PTPRD: variants seen among roughly 807,000 people sequenced by gnomAD.
The protein encoded by PTPRD is receptor-type tyrosine-protein phosphatase delta.
In PTPRD, 34 loss-of-function variants were observed where a neutral mutation model predicts 214.5. The observed-to-expected ratio is 0.16, with a 90% CI of 0.12 to 0.21. PTPRD has a LOEUF of 0.21. Ranked by LOEUF, PTPRD falls within the 10% of genes least tolerant of loss-of-function variation. PTPRD has a pLI of 1.00. For synonymous variants in PTPRD, 1,128 were observed against 845.7 expected, an observed-to-expected ratio of 1.33 and a Z score of -5.79; for missense variants, 2,545 against 2,398.7, an observed-to-expected ratio of 1.06 and a Z score of -1.27.
At chr9:9,373,811 C>T (rs923087977) in intron 9 of PTPRD, among the ~76,000 whole-genome samples, 1 of 152,106 alleles carries the variant, frequency 6.6e-6, no homozygotes, top group South Asian at 2.1e-4. Context: ...ACTTGGAAAT[C>T]TCTGGGGACT....
chr9:8,834,284 G>C (rs929191194), intron 11 of PTPRD, among the ~76,000 whole-genome samples: 6 of 151,820 alleles, frequency 4.0e-5, no homozygotes, highest in Admixed American at 3.9e-4. Flanking sequence ...TTAAAACCTA[G>C]GTATTAAAAA....
At chr9:9,903,701 T>C (rs528754895) in intron 5 of PTPRD, among the ~76,000 whole-genome samples, 161 of 152,232 alleles carry the variant, frequency 1.1e-3, no homozygotes, top group African/African-American at 3.8e-3. Flanking sequence ...CCATTCCCTC[T>C]TTCTTCTTTC....
intron 36 of PTPRD, among the ~76,000 whole-genome samples, chr9:8,400,505 C>G (rs1396759391): frequency 5.9e-5 from 9 of 152,140 alleles, no homozygotes; most frequent in African/African-American, 2.2e-4. Flanking sequence ...AAATGAAGTT[C>G]TAAAACCTAA....
chr9:10,479,067 A>C (rs2099080767), intron 2 of PTPRD, among the ~76,000 whole-genome samples: 1 of 152,202 alleles, frequency 6.6e-6, no homozygotes, highest in Admixed American at 6.6e-5. Context: ...TAATTAAGTC[A>C]GAAGCAAAGT....
intron 10 of PTPRD, among the ~76,000 whole-genome samples, chr9:9,163,361 C>T (rs1746739606): frequency 6.6e-6 from 1 of 152,080 alleles, no homozygotes; most frequent in African/African-American, 2.4e-5. Flanking sequence ...CACTTCCACA[C>T]TTAATTGTCC....
intron 11 of PTPRD, among the ~76,000 whole-genome samples, chr9:8,766,206 A>G (rs976829556): frequency 6.6e-6 from 1 of 151,314 alleles, no homozygotes; most frequent in Admixed American, 6.6e-5. Flanking sequence ...AAAAAAAATC[A>G]ATCCCCAGCC....
chr9:8,736,760 T>C, intron 11 of PTPRD, among the ~76,000 whole-genome samples: 1 of 152,072 alleles, frequency 6.6e-6, no homozygotes. Context: ...AGTGGAAAAC[T>C]TCTTGAATCC....
intron 12 of PTPRD, among the ~76,000 whole-genome samples, chr9:8,707,261 G>A (rs2098229598): frequency 6.6e-6 from 1 of 152,116 alleles, no homozygotes; most frequent in Non-Finnish European, 1.5e-5. Context: ...TAATTCTTTG[G>A]TGACAGAAGG....
At position 9,818,542 on chromosome 9, in the gene PTPRD, T is replaced by C. The variant is rs117807972; in HGVS notation, c.-367-51691A>G. Among the ~76,000 whole-genome samples the C allele has an allele frequency of 7.0e-4, 107 of 152,214 alleles. 2 individuals carry two copies. In the East Asian group the frequency reaches 0.02, roughly 28 times the overall value. Reference sequence around the variant, plus strand: ...GTAGGTAGGGAAGGACAGAGAGAGATAGAAAGAGGCAGACGATTTAGGAAA... The same window carrying C: ...GTAGGTAGGGAAGGACAGAGAGAGACAGAAAGAGGCAGACGATTTAGGAAA... On this transcript the variant is annotated intron_variant, in intron 5 of 45. Transcript: ENST00000381196.
intron 2 of PTPRD, among the ~76,000 whole-genome samples, chr9:10,361,520 C>G (rs2097391994): frequency 6.6e-6 from 1 of 152,080 alleles, no homozygotes; most frequent in South Asian, 2.1e-4. Flanking sequence ...AAAGGCCAAT[C>G]CCTGACCACA....
chr9:9,129,612 C>G (rs1270332936), intron 10 of PTPRD, among the ~76,000 whole-genome samples: 1 of 152,076 alleles, frequency 6.6e-6, no homozygotes, highest in Non-Finnish European at 1.5e-5. Context: ...ATATGCTACC[C>G]CTTAAGTGGT....
intron 4 of PTPRD, among the ~76,000 whole-genome samples, chr9:10,032,885 G>C (rs1039187230): frequency 6.6e-6 from 1 of 151,722 alleles, no homozygotes; most frequent in African/African-American, 2.4e-5. Context: ...CAGTAAATTT[G>C]CATGATTTTA....
intron 35 of PTPRD, among the ~76,000 whole-genome samples, chr9:8,426,980 G>C (rs956539875): frequency 6.6e-6 from 1 of 152,108 alleles, no homozygotes; most frequent in Non-Finnish European, 1.5e-5. Context: ...TTTCTTCTAA[G>C]GTGAGCTGCT....
At chr9:9,437,901 G>C (rs2085965209) in intron 8 of PTPRD, among the ~76,000 whole-genome samples, 1 of 152,124 alleles carries the variant, frequency 6.6e-6, no homozygotes, top group Non-Finnish European at 1.5e-5. Context: ...TTAGTGGGAG[G>C]CTAACTCAAC....
At chr9:8,992,487 G>C (rs2099377776) in intron 11 of PTPRD, among the ~76,000 whole-genome samples, 2 of 152,170 alleles carry the variant, frequency 1.3e-5, no homozygotes, top group African/African-American at 4.8e-5. Context: ...ACTCTAGAGA[G>C]AATGTCACTG....
intron 3 of PTPRD, among the ~76,000 whole-genome samples, chr9:10,082,840 A>AAACACACAC (rs1555566892): frequency 1.5e-3 from 189 of 128,300 alleles, no homozygotes; most frequent in South Asian, 5.9e-3. Context: ...CACACACACA[A>AAACACACAC]ACACACACAC....
chr9:8,602,558 A>G (rs1000049626), intron 14 of PTPRD, among the ~76,000 whole-genome samples: 1 of 152,222 alleles, frequency 6.6e-6, no homozygotes, highest in Non-Finnish European at 1.5e-5. Flanking sequence ...TGTTTTTCAA[A>G]ACTGCAGCAG....
intron 10 of PTPRD, among the ~76,000 whole-genome samples, chr9:9,019,305 A>AAAGAAAGAAAGAAAGAAAGG (rs2099551498): frequency 2.3e-4 from 21 of 93,252 alleles, no homozygotes; most frequent in Admixed American, 8.5e-4. Flanking sequence ...AGAAAGAAAG[A>AAAGAAAGAAAGAAAGAAAGG]AAGAAAGAAA....
chr9:9,245,846 G>T (rs2099972840), intron 9 of PTPRD, among the ~76,000 whole-genome samples: 2 of 152,040 alleles, frequency 1.3e-5, no homozygotes, highest in Admixed American at 6.6e-5. Flanking sequence ...ACCTTGAGCA[G>T]AAATAAATTT....
Sources: allele counts gnomAD v4.1 joint callset (sites outside exome capture counted in the v4.1 genomes callset), GRCh38; gene constraint gnomAD v4.1.1; transcripts MANE v1.5; gene names NCBI Gene and HGNC (gene_info 2026-07-23, HGNC 2026-07-21).